CUEDC1: variants seen among roughly 807,000 people sequenced by gnomAD.
CUEDC1 encodes CUE domain containing 1, also known as CUE domain-containing protein 1.
CUEDC1 carries 30 observed loss-of-function variants against 43.7 expected under a neutral mutation model. The observed-to-expected ratio is 0.69, with a 90% CI of 0.51 to 0.93. CUEDC1 has a LOEUF of 0.93. CUEDC1 is among the 40% of genes least tolerant of loss of function. The pLI, the probability that CUEDC1 is intolerant of heterozygous loss-of-function variation, is 0.00. For missense variants in CUEDC1, 486 were observed against 549.0 expected, an observed-to-expected ratio of 0.89 and a Z score of 1.15; for synonymous variants, 223 against 223.6, an observed-to-expected ratio of 1.00 and a Z score of 0.02.
chr17:57,948,753 T>A (rs2074979572), intron 1 of CUEDC1, among the ~76,000 whole-genome samples: 2 of 152,142 alleles, frequency 1.3e-5, no homozygotes, highest in Admixed American at 1.3e-4. Flanking sequence ...ACATCTCACA[T>A]CCTATCTGGA....
chr17:57,925,390 C>T (rs994503354), intron 1 of CUEDC1, among the ~76,000 whole-genome samples: 5 of 152,130 alleles, frequency 3.3e-5, no homozygotes, highest in Non-Finnish European at 2.9e-5. Flanking sequence ...TAGAGGCCCT[C>T]GGGCTCTGCT....
intron 4 of CUEDC1, 43 bp from the exon 5 acceptor site, chr17:57,872,898 T>TAC: frequency 6.4e-7 from 1 of 1,564,196 alleles, no homozygotes; most frequent in Non-Finnish European, 8.7e-7. Context: ...CACACAAGGG[T>TAC]ACATGTTGCA....
chr17:57,916,703 G>A (rs989736740), intron 1 of CUEDC1, among the ~76,000 whole-genome samples: 1 of 152,116 alleles, frequency 6.6e-6, no homozygotes, highest in African/African-American at 2.4e-5. Context: ...CCCACCCCCA[G>A]GCTCACAAAC....
intron 8 of CUEDC1, 141 bp downstream of exon 8, chr17:57,868,009 G>A (rs1368255187): frequency 4.3e-6 from 3 of 694,122 alleles, no homozygotes; most frequent in East Asian, 2.7e-5. Context: ...AGCTCATGGA[G>A]GAGAGGGGAG....
At position 57,885,280 on chromosome 17, in the gene CUEDC1, G is replaced by A. The variant is rs368159791; in HGVS notation, c.285C>T (p.Ser95=). 5.6e-6 allele frequency: 9 copies of A among 1,606,118 alleles called. No homozygotes were observed. In the African/African-American group the frequency reaches 8.0e-5, roughly 14 times the overall value. Residue 95 remains serine (S), a synonymous_variant, in exon 2 of 11, where the codon AGC becomes AGT. Coordinates refer to ENST00000577830, the MANE Select transcript of CUEDC1 (RefSeq NM_001271875.2). Reference sequence around the variant, plus strand: ...CGGAGCTGTCCTCATAGACGCCGCCGCTGCTGCCACCGCCCTCCAGGTTCA... The same window carrying A: ...CGGAGCTGTCCTCATAGACGCCGCCACTGCTGCCACCGCCCTCCAGGTTCA... ...LQMNLEGGGS[S]GGVYEDSSDS...
chr17:57,931,054 T>C (rs2074798843), intron 1 of CUEDC1, among the ~76,000 whole-genome samples: 1 of 152,120 alleles, frequency 6.6e-6, no homozygotes, highest in African/African-American at 2.4e-5. Flanking sequence ...TTAAGGAAGC[T>C]GAGACAGGCA....
chr17:57,874,552 A>C (rs1356673059), intron 3 of CUEDC1, among the ~76,000 whole-genome samples: 1 of 152,140 alleles, frequency 6.6e-6, no homozygotes, highest in Non-Finnish European at 1.5e-5. Flanking sequence ...CCTGACCCCC[A>C]GGCTCCCGCC....
At chr17:57,933,462 C>T (rs2074829739) in intron 1 of CUEDC1, among the ~76,000 whole-genome samples, 1 of 152,154 alleles carries the variant, frequency 6.6e-6, no homozygotes, top group African/African-American at 2.4e-5. Context: ...CCCCCCTCCA[C>T]CCCAATTTCA....
At chr17:57,917,418 C>T (rs543967343) in intron 1 of CUEDC1, among the ~76,000 whole-genome samples, 2 of 152,330 alleles carry the variant, frequency 1.3e-5, no homozygotes, top group Admixed American at 6.5e-5. Context: ...GGGGCAAGGC[C>T]ATGCACCAAC....
intron 1 of CUEDC1, among the ~76,000 whole-genome samples, chr17:57,924,593 C>G (rs960373858): frequency 1.3e-5 from 2 of 152,122 alleles, no homozygotes; most frequent in African/African-American, 2.4e-5. Context: ...TCTATCGATG[C>G]ACTGATGGGC....
chr17:57,908,869 C>T (rs1486568716), intron 1 of CUEDC1, among the ~76,000 whole-genome samples: 1 of 152,144 alleles, frequency 6.6e-6, no homozygotes, highest in Non-Finnish European at 1.5e-5. Flanking sequence ...TGGTGGCATG[C>T]ACCTCTATTC....
chr17:57,923,311 G>A (rs1243682659), intron 1 of CUEDC1, among the ~76,000 whole-genome samples: 2 of 152,174 alleles, frequency 1.3e-5, no homozygotes, highest in East Asian at 3.8e-4. Flanking sequence ...CCTCAGATTA[G>A]GGCATGAAGA....
intron 2 of CUEDC1, among the ~76,000 whole-genome samples, chr17:57,883,107 T>C (rs1474565578): frequency 6.6e-6 from 1 of 152,156 alleles, no homozygotes; most frequent in Non-Finnish European, 1.5e-5. Flanking sequence ...TTTTCCAATA[T>C]TCCTTCCACC....
At chr17:57,870,870 G>C (rs1043320341) in intron 6 of CUEDC1, among the ~76,000 whole-genome samples, 1 of 151,924 alleles carries the variant, frequency 6.6e-6, no homozygotes, top group Non-Finnish European at 1.5e-5. Flanking sequence ...GGTAGAGATA[G>C]GGGGGTCTCA....
intron 1 of CUEDC1, among the ~76,000 whole-genome samples, chr17:57,953,116 C>T (rs1034739776): frequency 6.6e-6 from 1 of 152,198 alleles, no homozygotes; most frequent in Non-Finnish European, 1.5e-5. Flanking sequence ...TCGTCTTTCA[C>T]ACTTAACACT....
At chr17:57,867,730 G>T (rs1002815872) in intron 8 of CUEDC1, 8 of 502,260 alleles carry the variant, frequency 1.6e-5, no homozygotes, top group Admixed American at 3.2e-5. Flanking sequence ...TGATAAAAAG[G>T]TGGAAAGCCG....
At chr17:57,913,118 G>T (rs2074601805) in intron 1 of CUEDC1, among the ~76,000 whole-genome samples, 1 of 152,004 alleles carries the variant, frequency 6.6e-6, no homozygotes, top group South Asian at 2.1e-4. Flanking sequence ...CTGAGGTCAG[G>T]GGTTCAAGAC....
intron 1 of CUEDC1, among the ~76,000 whole-genome samples, chr17:57,916,548 C>T (rs1028023586): frequency 2.6e-5 from 4 of 152,220 alleles, no homozygotes; most frequent in Non-Finnish European, 2.9e-5. Flanking sequence ...AACACAAACC[C>T]GTCACCACCT....
chr17:57,889,981 A>G (rs2074338117), intron 1 of CUEDC1, among the ~76,000 whole-genome samples: 1 of 152,166 alleles, frequency 6.6e-6, no homozygotes, highest in South Asian at 2.1e-4. Flanking sequence ...GCAGTTTAAA[A>G]TACACGAAAG....
Sources: gnomAD v4.1 joint callset for allele counts (sites outside exome capture counted in the v4.1 genomes callset) on GRCh38, gnomAD v4.1.1 for gene constraint, MANE v1.5 for transcripts, NCBI Gene and HGNC (gene_info 2026-07-23, HGNC 2026-07-21) for gene names.